Variants in HEATR5B observed in about 807,000 individuals in gnomAD.
HEATR5B encodes the protein HEAT repeat containing 5B.
HEATR5B carries 156 observed loss-of-function variants against 224.1 expected under a neutral mutation model. The observed-to-expected ratio is 0.70, with a 90% CI of 0.61 to 0.80. HEATR5B has a LOEUF of 0.80. Among genes scored for constraint, HEATR5B ranks in the 30% least tolerant of loss-of-function variants. The pLI is 0.00. For synonymous variants in HEATR5B, 1,027 were observed against 893.0 expected (o/e 1.15, Z -2.68); for missense variants, 2,323 against 2,535.5 (o/e 0.92, Z 1.80).
intron 33 of HEATR5B, among the ~76,000 whole-genome samples, chr2:36,997,567 C>CTTT (rs10699174): frequency 0.022 from 2,830 of 129,508 alleles, 126 homozygotes; most frequent in African/African-American, 0.024. Flanking sequence ...CTCTGCCATT[C>CTTT]TTTTTTTTTT....
chr2:37,044,424 C>T lies in HEATR5B; in HGVS notation c.2697-3132G>A, dbSNP rs541157452. 1.7e-4 allele frequency among the ~76,000 whole-genome samples: 26 copies of T among 152,276 alleles called. No homozygotes were observed. The South Asian group carries it at 5.4e-3, about 32-fold the overall frequency. On this transcript the variant is annotated intron_variant, in intron 18 of 35. Transcript: ENST00000233099. The stretch of plus-strand genomic sequence containing the variant: ...ATAGAACAAAGCTTTTAAGATTCAT[C>T]CAATTTATTGTAAAAGTAGTTTGCT...
intron 30 of HEATR5B, among the ~76,000 whole-genome samples, chr2:37,004,869 T>C (rs925180558): frequency 6.6e-6 from 1 of 152,182 alleles, no homozygotes; most frequent in African/African-American, 2.4e-5. Flanking sequence ...TAGGCTAGTG[T>C]TATCATTTCT....
chr2:37,035,334 C>T (rs1043416107), intron 21 of HEATR5B, among the ~76,000 whole-genome samples: 1 of 152,020 alleles, frequency 6.6e-6, no homozygotes, highest in Non-Finnish European at 1.5e-5. Context: ...TCCTATCCAC[C>T]CTGAACTGTA....
At chr2:36,988,333 G>A (rs1356363120) in intron 35 of HEATR5B, among the ~76,000 whole-genome samples, 1 of 151,824 alleles carries the variant, frequency 6.6e-6, no homozygotes, top group East Asian at 1.9e-4. Flanking sequence ...CATGATCTCG[G>A]CTCACTGCAA....
chr2:37,004,741 T>G (rs1667303694), intron 30 of HEATR5B, among the ~76,000 whole-genome samples: 1 of 152,226 alleles, frequency 6.6e-6, no homozygotes, highest in Admixed American at 6.5e-5. Context: ...TTGGTTCTCC[T>G]GAAACTTCTC....
intron 33 of HEATR5B, among the ~76,000 whole-genome samples, chr2:36,993,134 G>C (rs913808676): frequency 6.6e-6 from 1 of 152,092 alleles, no homozygotes; most frequent in Non-Finnish European, 1.5e-5. Context: ...GAACAGTGAG[G>C]GGGAAATACT....
In HEATR5B at chr2:37,070,256, G is replaced by C; in HGVS notation, c.901C>G (p.Arg301Gly). 1 of 1,613,980 alleles carries C rather than the reference G, an allele frequency of 6.2e-7. No individual in the cohort carries two copies. The highest frequency in any genetic ancestry group is 8.5e-7 in the Non-Finnish European group (1 of 1,179,970). The change falls in exon 7 of 36, where the codon CGT (arginine) becomes GGT (glycine). Residue 301 changes from arginine to glycine, a missense_variant. Physicochemically the swap from Arg to Gly is moderately radical, Grantham distance 125 (BLOSUM62 -2). Coordinates refer to ENST00000233099, the MANE Select transcript of HEATR5B (RefSeq NM_019024.3). ...TGCGTAACTCCAACTCTCACTTCACGATTAACGGACCCTCCAACTTTTAAC... is the reference window on the plus strand; with the variant it reads ...TGCGTAACTCCAACTCTCACTTCACCATTAACGGACCCTCCAACTTTTAAC... ...EMLKVGGSVN[R>G]EVRVGVTQAY...
chr2:37,028,301 A>G (rs1668908354), intron 23 of HEATR5B, 127 bp from the exon 24 acceptor site: 5 of 556,028 alleles, frequency 9.0e-6, no homozygotes, highest in Non-Finnish European at 1.4e-5. Context: ...GAAAACAGTA[A>G]AACTAGCAGA....
intron 11 of HEATR5B, 110 bp from the exon 12 acceptor site, chr2:37,060,843 T>C (rs552954335): frequency 6.3e-5 from 48 of 765,334 alleles, no homozygotes; most frequent in African/African-American, 1.6e-4. Flanking sequence ...GAGATGAAAA[T>C]AGAGTAAAAT....
At chr2:37,062,221 G>A (rs184085496) in intron 10 of HEATR5B, among the ~76,000 whole-genome samples, 171 bp from the exon 11 acceptor site, 74 of 152,294 alleles carry the variant, frequency 4.9e-4, no homozygotes, top group Non-Finnish European at 8.2e-4. Flanking sequence ...GAGCTCAGGA[G>A]TTCAAAACCA....
intron 16 of HEATR5B, among the ~76,000 whole-genome samples, chr2:37,054,896 C>T (rs1207736924): frequency 3.9e-5 from 6 of 152,136 alleles, no homozygotes; most frequent in Non-Finnish European, 8.8e-5. Flanking sequence ...ATTATGACCT[C>T]AAGTTGGTAA....
rs529083954 is a variant in HEATR5B at position 37,006,156 on chromosome 2, G to A, written c.4778-397C>T. On this transcript the variant is annotated intron_variant, in intron 29 of 35. Coordinates refer to ENST00000233099, the MANE Select transcript of HEATR5B (RefSeq NM_019024.3). ...AGTTTTTAAATGGCAAGTTATAGAG[G>A]CACAATGGGTATCATAGTAAACAAC... 4.5e-4 allele frequency among the ~76,000 whole-genome samples: 69 copies of A among 152,236 alleles called. 2 individuals are homozygous for A. The South Asian group carries it at 0.014, about 31-fold the overall frequency.
intron 35 of HEATR5B, among the ~76,000 whole-genome samples, chr2:36,982,405 A>C (rs1473030128): frequency 6.6e-6 from 1 of 152,192 alleles, no homozygotes; most frequent in Non-Finnish European, 1.5e-5. Flanking sequence ...TCCTTTTGTT[A>C]GTCTTTTGTC....
intron 18 of HEATR5B, among the ~76,000 whole-genome samples, chr2:37,046,806 T>G (rs1670224415): frequency 6.6e-6 from 1 of 151,634 alleles, no homozygotes; most frequent in Non-Finnish European, 1.5e-5. Context: ...TCCCAGCACT[T>G]TGGGAGGCCG....
intron 16 of HEATR5B, 109 bp from the exon 17 acceptor site, chr2:37,053,716 GCTAT>G (rs1670705274): frequency 1.8e-6 from 1 of 570,940 alleles, no homozygotes; most frequent in Non-Finnish European, 3.1e-6. Flanking sequence ...AATTCCCCAT[GCTAT>G]CTCTTTTCTA....
chr2:37,007,619 G>A (rs1256392979), intron 28 of HEATR5B, among the ~76,000 whole-genome samples: 2 of 152,106 alleles, frequency 1.3e-5, no homozygotes, highest in Non-Finnish European at 2.9e-5. Context: ...ACAGGCATGT[G>A]CCACTGCACC....
In HEATR5B at chr2:37,064,474, A is replaced by G. The variant is rs577993360; in HGVS notation, c.1584+266T>C. On this transcript the variant is annotated intron_variant, in intron 10 of 35. Transcript: ENST00000233099. ...TTTTTTGTAATGATGGGGTCTCACT[A>G]TGTTGCCTAGGCTGTTTTTTTTCTC... is the stretch of plus-strand genomic sequence containing the variant. Among the ~76,000 whole-genome samples the G allele has an allele frequency of 9.9e-5, 15 of 151,904 alleles. No homozygotes were observed. The South Asian group carries it at 2.1e-3, about 21-fold the overall frequency.
At chr2:37,064,319 G>A (rs1247101930) in intron 10 of HEATR5B, among the ~76,000 whole-genome samples, 1 of 138,292 alleles carries the variant, frequency 7.2e-6, no homozygotes, top group African/African-American at 2.7e-5. Flanking sequence ...GTAGGTCTTG[G>A]TCTGTCACCC....
Position 37,072,112 on chromosome 2 carries a change from G to C in HEATR5B, c.767C>G (p.Thr256Arg), listed in dbSNP as rs776218039. Residue 256 changes from threonine (T) to arginine (R), a missense_variant and splice_region_variant, in exon 6 of 36, where the codon ACA becomes AGA. This residue lies in a region of HEATR5B where 292 missense variants were observed against 332.6 expected (regional missense o/e 0.88). Coordinates refer to ENST00000233099, the MANE Select transcript of HEATR5B (RefSeq NM_019024.3). ...AAATCAAGGGCAAACAACAATACCT[G>C]TTGCCTGTTTTGGCATTAATGCTGT... ...MATALMPKQA[T>R]VMRQNVKRAT... 33 of 1,611,504 alleles carry C rather than the reference G, an allele frequency of 2.0e-5. No individual in the cohort carries two copies. The highest frequency in any genetic ancestry group is 2.8e-5 in the Non-Finnish European group (33 of 1,178,514).
Sources: allele counts gnomAD v4.1 joint callset (sites outside exome capture counted in the v4.1 genomes callset), GRCh38; gene constraint gnomAD v4.1.1; regional missense constraint gnomAD v4.1.1; transcripts MANE v1.5; gene names NCBI Gene and HGNC (gene_info 2026-07-23, HGNC 2026-07-21).